The following FRMD3 variants were observed in gnomAD, a reference collection of about 807,000 sequenced individuals.
FRMD3 encodes the protein FERM domain containing 3.
FRMD3 carries 33 observed loss-of-function variants against 70.2 expected under a neutral mutation model. The ratio of observed to expected loss-of-function variants is 0.47; its 90% confidence interval spans 0.36 to 0.63. The LOEUF (loss-of-function observed/expected upper bound fraction) is 0.63. Among genes scored for constraint, FRMD3 ranks in the 20% least tolerant of loss-of-function variants. The pLI is 0.00. For missense variants in FRMD3, 632 were observed against 711.4 expected (o/e 0.89, Z 1.27); for synonymous variants, 279 against 255.9 (o/e 1.09, Z -0.86).
the FRMD3 span, among the ~76,000 whole-genome samples, chr9:83,571,653 A>T: frequency 2.0e-5 from 3 of 152,208 alleles, no homozygotes; most frequent in Non-Finnish European, 4.4e-5. Flanking sequence ...ATTCAGCTAA[A>T]CATAAGTCCA....
chr9:83,468,496 T>A (rs1180268384), intron 1 of FRMD3, among the ~76,000 whole-genome samples: 1 of 152,138 alleles, frequency 6.6e-6, no homozygotes, highest in Non-Finnish European at 1.5e-5. Context: ...TGAGGTCAAT[T>A]GAGTCGGACA....
chr9:83,459,975 G>T (rs370420015), intron 1 of FRMD3, among the ~76,000 whole-genome samples: 2 of 152,218 alleles, frequency 1.3e-5, no homozygotes, highest in African/African-American at 2.4e-5. Context: ...AAGCTCTCTG[G>T]TGTCTCTTCT....
intron 10 of FRMD3, among the ~76,000 whole-genome samples, chr9:83,300,678 A>G (rs1200487195): frequency 6.6e-6 from 1 of 152,218 alleles, no homozygotes; most frequent in Non-Finnish European, 1.5e-5. Flanking sequence ...TTGTACCCCA[A>G]AAGGTATTGA....
chr9:83,389,480 G>T (rs537580369), intron 2 of FRMD3, 124 bp downstream of exon 2: 4 of 681,166 alleles, frequency 5.9e-6, no homozygotes, highest in Admixed American at 4.5e-5. Context: ...GCTCACACAG[G>T]GTTTCATGTG....
In FRMD3 at chr9:83,248,016, G is replaced by A; in HGVS notation, c.1696C>T (p.Pro566Ser). ...TCATAGTGAAACTGCTCAAACTCTG[G>A]TGTCTGGCGGATTTCGCATAAGAAG... is the stretch of plus-strand genomic sequence containing the variant. ...LSFLCEIRQTPEFEQFHYEYY... is the reference protein window; with the variant it reads ...LSFLCEIRQTSEFEQFHYEYY... Residue 566 changes from proline (P) to serine (S), a missense_variant, in exon 14 of 14, where the codon CCA (proline) becomes TCA (serine). Pro to Ser is a moderately conservative substitution (Grantham distance 74). This residue lies in a region of FRMD3 where 418 missense variants were observed against 442.1 expected (regional missense o/e 0.95). Transcript: ENST00000304195. The A allele has an allele frequency of 1.9e-6, 3 of 1,614,172 alleles. No individual in the cohort carries two copies. The highest frequency in any genetic ancestry group is 2.5e-6 in the Non-Finnish European group (3 of 1,180,036).
At chr9:83,524,963 C>T (rs1298040834) in intron 1 of FRMD3, among the ~76,000 whole-genome samples, 1 of 152,122 alleles carries the variant, frequency 6.6e-6, no homozygotes. Flanking sequence ...TAGCTAGAAA[C>T]ATCAAGGAAG....
chr9:83,277,214 T>C (rs118043070), intron 13 of FRMD3, among the ~76,000 whole-genome samples: 1,581 of 152,322 alleles, frequency 0.01, 21 homozygotes, highest in Middle Eastern at 0.024. Flanking sequence ...AAAAAGCAGA[T>C]TATAAAATAG....
At chr9:83,283,546 A>ATAATAAT (rs1170602626) in intron 13 of FRMD3, among the ~76,000 whole-genome samples, 1 of 25,906 alleles carries the variant, frequency 3.9e-5, no homozygotes, top group African/African-American at 5.7e-5. Flanking sequence ...AAAAAAAAAA[A>ATAATAAT]AATAATAATA....
chr9:83,257,462 G>A (rs545102033), intron 13 of FRMD3, among the ~76,000 whole-genome samples: 10 of 152,128 alleles, frequency 6.6e-5, no homozygotes, highest in African/African-American at 1.9e-4. Context: ...CATGGCACAC[G>A]TTTACCTATG....
chr9:83,445,341 A>AATAGATAGATAGATAGATAG (rs56369819), intron 1 of FRMD3, among the ~76,000 whole-genome samples: 1 of 146,542 alleles, frequency 6.8e-6, no homozygotes, highest in Non-Finnish European at 1.5e-5. Flanking sequence ...CTCAAAAATA[A>AATAGATAGATAGATAGATAG]ATAGATAGAT....
intron 13 of FRMD3, among the ~76,000 whole-genome samples, chr9:83,284,866 A>G (rs1031584118): frequency 6.6e-6 from 1 of 152,194 alleles, no homozygotes; most frequent in African/African-American, 2.4e-5. Flanking sequence ...GGAACTCACC[A>G]TGGTATAACC....
At chr9:83,338,232 A>C (rs1327655612) in intron 5 of FRMD3, among the ~76,000 whole-genome samples, 2 of 152,242 alleles carry the variant, frequency 1.3e-5, no homozygotes, top group African/African-American at 4.8e-5. Flanking sequence ...CATTGGCAAT[A>C]AAACTAGGAA....
intron 6 of FRMD3, among the ~76,000 whole-genome samples, chr9:83,319,418 C>G (rs1253792421): frequency 6.6e-6 from 1 of 151,920 alleles, no homozygotes; most frequent in Non-Finnish European, 1.5e-5. Context: ...TCAATTTTCC[C>G]AGGATTATTT....
the FRMD3 span, among the ~76,000 whole-genome samples, chr9:83,568,696 C>T: frequency 2.0e-5 from 3 of 151,972 alleles, no homozygotes; most frequent in Non-Finnish European, 4.4e-5. Flanking sequence ...TTCAGACAGA[C>T]AGGAGGACTA....
At chr9:83,514,820 T>C (rs7041666) in intron 1 of FRMD3, among the ~76,000 whole-genome samples, 113,514 of 152,152 alleles carry the variant, frequency 0.75, 42,956 homozygotes, top group African/African-American at 0.89. Flanking sequence ...CCCAGGCAAA[T>C]GGGGTCTGGA....
intron 1 of FRMD3, among the ~76,000 whole-genome samples, chr9:83,446,716 T>G (rs888467912): frequency 6.6e-6 from 1 of 151,966 alleles, no homozygotes; most frequent in Non-Finnish European, 1.5e-5. Context: ...AGATGAGATT[T>G]GCCAAGTAGA....
chr9:83,402,690 C>A (rs1825981913), intron 1 of FRMD3, among the ~76,000 whole-genome samples: 1 of 152,018 alleles, frequency 6.6e-6, no homozygotes, highest in Middle Eastern at 3.2e-3. Flanking sequence ...TCAGCCTCAG[C>A]AGGGCTCAGA....
Position 83,337,354 on chromosome 9 carries a change from G to A in FRMD3, c.473-1715C>T, listed in dbSNP as rs117011577. On this transcript the variant is annotated intron_variant, in intron 5 of 13. Coordinates refer to ENST00000304195, the MANE Select transcript of FRMD3 (RefSeq NM_174938.6). ...TTATGTACTTCATGATTCTTCAGCT[G>A]ACACTAACAAAGGGCACCTCCAGAG... Among the ~76,000 whole-genome samples, 463 of 152,242 alleles carry A rather than the reference G, an allele frequency of 3.0e-3. 1 individual carries two copies. The highest frequency in any genetic ancestry group is 5.5e-3 in the Non-Finnish European group (377 of 68,028).
At chr9:83,583,017 C>T in the FRMD3 span, among the ~76,000 whole-genome samples, 3 of 152,152 alleles carry the variant, frequency 2.0e-5, no homozygotes, top group Non-Finnish European at 1.5e-5. Flanking sequence ...TTCCACTAAA[C>T]ACAAGTCCTC....
Sources: allele counts gnomAD v4.1 joint callset (sites outside exome capture counted in the v4.1 genomes callset), GRCh38; gene constraint gnomAD v4.1.1; regional missense constraint gnomAD v4.1.1; transcripts MANE v1.5; gene names NCBI Gene and HGNC (gene_info 2026-07-23, HGNC 2026-07-21).